Variants in DLGAP1 observed in about 807,000 individuals in gnomAD.
DLGAP1 encodes disks large-associated protein 1.
DLGAP1 carries 11 observed loss-of-function variants against 90.8 expected under a neutral mutation model. The observed-to-expected ratio is 0.12, with a 90% CI of 0.08 to 0.20. DLGAP1 has a LOEUF of 0.20. DLGAP1 is among the 10% of genes least tolerant of loss of function. The pLI, the probability that DLGAP1 is intolerant of heterozygous loss-of-function variation, is 1.00. For synonymous variants in DLGAP1, 558 were observed against 540.7 expected, an observed-to-expected ratio of 1.03 and a Z score of -0.44; for missense variants, 1,050 against 1,333.8, an observed-to-expected ratio of 0.79 and a Z score of 3.31.
chr18:4,236,769 C>T (rs1057293728), intron 1 of DLGAP1, among the ~76,000 whole-genome samples: 3 of 151,884 alleles, frequency 2.0e-5, no homozygotes, highest in African/African-American at 7.3e-5. Context: ...AGCTGATTTA[C>T]AAACATGTAA....
At chr18:4,068,129 AT>A (rs1429007501) in intron 2 of DLGAP1, among the ~76,000 whole-genome samples, 1 of 151,674 alleles carries the variant, frequency 6.6e-6, no homozygotes, top group Non-Finnish European at 1.5e-5. Flanking sequence ...TCTCCTTTGC[AT>A]TTATTACCAT....
chr18:4,121,489 T>C (rs975463794), intron 2 of DLGAP1, among the ~76,000 whole-genome samples: 2 of 152,118 alleles, frequency 1.3e-5, no homozygotes, highest in African/African-American at 4.8e-5. Context: ...ATCTGATCAC[T>C]CTCGATTCTG....
chr18:4,036,377 A>G lies in DLGAP1; in HGVS notation c.-158-31176T>C, dbSNP rs375687816. On this transcript the variant is annotated intron_variant, in intron 2 of 12. Transcript: ENST00000315677. ...TAAAACTCTTACATTTAAAATGAAG[A>G]AACTGAGTCCTAACATTATTAAACA... 3.3e-5 allele frequency among the ~76,000 whole-genome samples: 5 copies of G among 152,326 alleles called. No individual in the cohort carries two copies. The East Asian group carries it at 5.8e-4, about 18-fold the overall frequency.
intron 3 of DLGAP1, among the ~76,000 whole-genome samples, chr18:3,903,722 G>A (rs889780178): frequency 6.6e-6 from 1 of 152,206 alleles, no homozygotes; most frequent in Non-Finnish European, 1.5e-5. Context: ...TTGTTAGGTT[G>A]ACCATTCCTT....
At chr18:3,821,613 T>C (rs1267089620) in intron 4 of DLGAP1, among the ~76,000 whole-genome samples, 1 of 152,122 alleles carries the variant, frequency 6.6e-6, no homozygotes, top group Non-Finnish European at 1.5e-5. Flanking sequence ...AGAGTGTTGT[T>C]GTTTCCTGGT....
intron 1 of DLGAP1, among the ~76,000 whole-genome samples, chr18:4,161,696 C>CTG (rs2076848580): frequency 6.6e-6 from 1 of 152,186 alleles, no homozygotes. Context: ...ACTTCCGAGC[C>CTG]TGTGTATGCC....
chr18:3,877,938 T>C (rs1487675733), intron 4 of DLGAP1, among the ~76,000 whole-genome samples: 1 of 152,224 alleles, frequency 6.6e-6, no homozygotes, highest in Non-Finnish European at 1.5e-5. Flanking sequence ...TGGCTTCTTC[T>C]GAACTCCAAG....
chr18:3,882,419 G>A (rs1193400122), intron 3 of DLGAP1, among the ~76,000 whole-genome samples: 1 of 151,578 alleles, frequency 6.6e-6, no homozygotes. Context: ...TGTAGTCCCA[G>A]CTACTCAAGT....
At chr18:3,895,317 ACACAT>A (rs1322296714) in intron 3 of DLGAP1, among the ~76,000 whole-genome samples, 50 of 147,830 alleles carry the variant, frequency 3.4e-4, no homozygotes, top group African/African-American at 8.3e-4. Flanking sequence ...ACACACACAC[ACACAT>A]CATCATCATC....
At chr18:4,223,881 A>G (rs2078131130) in intron 1 of DLGAP1, among the ~76,000 whole-genome samples, 1 of 152,210 alleles carries the variant, frequency 6.6e-6, no homozygotes, top group Non-Finnish European at 1.5e-5. Flanking sequence ...TGTCTACATT[A>G]AAGAGCTAAA....
At chr18:3,785,026 G>A (rs1279658512) in intron 5 of DLGAP1, among the ~76,000 whole-genome samples, 1 of 152,138 alleles carries the variant, frequency 6.6e-6, no homozygotes, top group African/African-American at 2.4e-5. Context: ...TTACTTTACA[G>A]ACTGAAAAAT....
intron 2 of DLGAP1, among the ~76,000 whole-genome samples, chr18:4,018,676 G>T (rs141054690): frequency 1.1e-4 from 16 of 152,360 alleles, no homozygotes; most frequent in Non-Finnish European, 1.6e-4. Context: ...AGTAGTGGAT[G>T]TAAACTCCAT....
intron 4 of DLGAP1, among the ~76,000 whole-genome samples, chr18:3,838,386 G>A (rs1047122130): frequency 1.7e-4 from 26 of 152,186 alleles, no homozygotes; most frequent in Middle Eastern, 3.2e-3. Flanking sequence ...GTAAAGCATC[G>A]TAACTGGGCA....
intron 1 of DLGAP1, among the ~76,000 whole-genome samples, chr18:4,249,639 G>A (rs908709826): frequency 6.6e-6 from 1 of 152,064 alleles, no homozygotes; most frequent in Admixed American, 6.5e-5. Flanking sequence ...CTAGGCTGGT[G>A]TGCAGTGGTG....
chr18:4,242,393 A>T (rs1598706713), intron 1 of DLGAP1, among the ~76,000 whole-genome samples: 1 of 152,096 alleles, frequency 6.6e-6, no homozygotes, highest in East Asian at 1.9e-4. Context: ...GGTGCTAGAA[A>T]GTCCGCCCAG....
At chr18:4,190,726 C>T (rs1247283648) in intron 1 of DLGAP1, among the ~76,000 whole-genome samples, 4 of 152,028 alleles carry the variant, frequency 2.6e-5, no homozygotes, top group African/African-American at 9.7e-5. Flanking sequence ...GTTTTGCTTG[C>T]TTAACCCGTT....
At chr18:4,437,814 G>A (rs1486150562) in intron 1 of DLGAP1, among the ~76,000 whole-genome samples, 2 of 148,124 alleles carry the variant, frequency 1.4e-5, no homozygotes, top group Non-Finnish European at 3.0e-5. Flanking sequence ...CAGTTGGAGG[G>A]TTATATTAAG....
intron 2 of DLGAP1, among the ~76,000 whole-genome samples, chr18:4,048,272 G>A (rs567791047): frequency 6.6e-6 from 1 of 152,300 alleles, no homozygotes; most frequent in African/African-American, 2.4e-5. Flanking sequence ...TTGAAGAAAT[G>A]TAATTGCTCA....
chr18:4,295,713 A>G (rs1245003144), intron 1 of DLGAP1, among the ~76,000 whole-genome samples: 1 of 152,242 alleles, frequency 6.6e-6, no homozygotes, highest in African/African-American at 2.4e-5. Flanking sequence ...TTATCTGTGA[A>G]GTGGACACAA....
Sources: gnomAD v4.1 joint callset for allele counts (sites outside exome capture counted in the v4.1 genomes callset) on GRCh38, gnomAD v4.1.1 for gene constraint, MANE v1.5 for transcripts, NCBI Gene and HGNC (gene_info 2026-07-23, HGNC 2026-07-21) for gene names.